Variants in PRIM2 observed in about 807,000 individuals in gnomAD.
The protein encoded by PRIM2 is DNA primase subunit 2, also known as DNA primase large subunit.
In PRIM2, 39 loss-of-function variants were observed where a neutral mutation model predicts 67.3. That is an observed-to-expected ratio of 0.58 (90% CI 0.45 to 0.76). The LOEUF (loss-of-function observed/expected upper bound fraction) is 0.76. Ranked by LOEUF, PRIM2 falls within the 30% of genes least tolerant of loss-of-function variation. The pLI is 0.00. For synonymous variants in PRIM2, 143 were observed against 198.7 expected (o/e 0.72, Z 2.36); for missense variants, 398 against 598.7 (o/e 0.66, Z 3.50).
intron 12 of PRIM2, among the ~76,000 whole-genome samples, chr6:57,619,998 C>T (rs1250480248): frequency 6.1e-4 from 93 of 152,174 alleles, no homozygotes; most frequent in African/African-American, 2.1e-3. Context: ...AGATCGAGAC[C>T]GTCCTGGCTA....
At chr6:57,243,755 G>A in the PRIM2 span, among the ~76,000 whole-genome samples, 1 of 152,208 alleles carries the variant, frequency 6.6e-6, no homozygotes, top group South Asian at 2.1e-4. Flanking sequence ...GATTACAGGT[G>A]TGGGCCACAG....
At chr6:57,486,151 G>A (rs1186598735) in intron 7 of PRIM2, among the ~76,000 whole-genome samples, 1 of 152,196 alleles carries the variant, frequency 6.6e-6, no homozygotes, top group Non-Finnish European at 1.5e-5. Flanking sequence ...GGAGAGTATA[G>A]CCTAAAGGGA....
the PRIM2 span, among the ~76,000 whole-genome samples, chr6:57,236,381 A>G: frequency 6.6e-6 from 1 of 151,562 alleles, no homozygotes; most frequent in East Asian, 1.9e-4. Context: ...CCTTTTATTC[A>G]TTCTACACTT....
intron 5 of PRIM2, among the ~76,000 whole-genome samples, chr6:57,333,595 A>G (rs1768128953): frequency 6.6e-6 from 1 of 151,716 alleles, no homozygotes; most frequent in South Asian, 2.1e-4. Flanking sequence ...AATTTCTTCT[A>G]TGTTCTCTTT....
At chr6:57,323,385 A>T (rs888481762) in intron 3 of PRIM2, among the ~76,000 whole-genome samples, 4 of 152,136 alleles carry the variant, frequency 2.6e-5, no homozygotes, top group African/African-American at 9.7e-5. Context: ...GAAGTGGTTG[A>T]GGTGGTGAGC....
chr6:57,446,661 T>C (rs1392577842), intron 7 of PRIM2, among the ~76,000 whole-genome samples: 1 of 151,918 alleles, frequency 6.6e-6, no homozygotes, highest in African/African-American at 2.4e-5. Context: ...GGGGATTAGG[T>C]TCAGGGCTGT....
chr6:57,362,488 C>T (rs1321865762), intron 5 of PRIM2, among the ~76,000 whole-genome samples: 1 of 151,982 alleles, frequency 6.6e-6, no homozygotes, highest in Non-Finnish European at 1.5e-5. Flanking sequence ...TTGTACTATG[C>T]TACTGTTAGC....
intron 12 of PRIM2, among the ~76,000 whole-genome samples, chr6:57,621,861 G>A (rs1776862152): frequency 6.6e-6 from 1 of 151,988 alleles, no homozygotes; most frequent in Non-Finnish European, 1.5e-5. Context: ...TTTCTTGTTG[G>A]GCAGGTCTAC....
intron 10 of PRIM2, among the ~76,000 whole-genome samples, chr6:57,594,861 C>A (rs1388140970): frequency 6.6e-6 from 1 of 152,116 alleles, no homozygotes; most frequent in East Asian, 1.9e-4. Flanking sequence ...GCCTTTGTTA[C>A]AATTACATTT....
chr6:57,321,230 A>G (rs1008577070), intron 3 of PRIM2, among the ~76,000 whole-genome samples: 1 of 152,162 alleles, frequency 6.6e-6, no homozygotes, highest in Non-Finnish European at 1.5e-5. Flanking sequence ...GTTATAAATG[A>G]CACCCAGGTT....
intron 10 of PRIM2, among the ~76,000 whole-genome samples, chr6:57,552,623 C>T (rs1257144969): frequency 1.3e-5 from 2 of 152,146 alleles, no homozygotes; most frequent in African/African-American, 4.8e-5. Flanking sequence ...ATCTTTTTAC[C>T]TACTATATGC....
At chr6:57,235,771 G>A in the PRIM2 span, among the ~76,000 whole-genome samples, 10 of 152,114 alleles carry the variant, frequency 6.6e-5, no homozygotes, top group Non-Finnish European at 1.2e-4. Flanking sequence ...GAAGCAAGAG[G>A]GTCAGAGCCA....
At chr6:57,638,952 A>T (rs1777176520) in intron 13 of PRIM2, among the ~76,000 whole-genome samples, 1 of 152,210 alleles carries the variant, frequency 6.6e-6, no homozygotes, top group Non-Finnish European at 1.5e-5. Flanking sequence ...AACAGAATAT[A>T]CATTCTTCTC....
intron 7 of PRIM2, among the ~76,000 whole-genome samples, chr6:57,396,587 G>A: frequency 6.6e-6 from 1 of 152,110 alleles, no homozygotes; most frequent in East Asian, 1.9e-4. Context: ...TAATTGGTTG[G>A]TGAATTCTTA....
intron 10 of PRIM2, among the ~76,000 whole-genome samples, chr6:57,581,263 G>A (rs1168761639): frequency 0.18 from 27,944 of 151,888 alleles, 2,723 homozygotes; most frequent in South Asian, 0.22. Context: ...ATCACTCGGC[G>A]TACTCCTGTG....
the PRIM2 span, among the ~76,000 whole-genome samples, chr6:57,286,472 A>T: frequency 7.2e-5 from 11 of 152,178 alleles, no homozygotes; most frequent in Non-Finnish European, 1.3e-4. Context: ...CAACCGTCTC[A>T]TCTTCAACAA....
intron 7 of PRIM2, among the ~76,000 whole-genome samples, chr6:57,411,316 C>T (rs1259317459): frequency 6.6e-6 from 1 of 152,172 alleles, no homozygotes; most frequent in Non-Finnish European, 1.5e-5. Flanking sequence ...CTTGCCTAGG[C>T]CTAGTAGCTT....
chr6:57,574,034 A>C (rs1278754458), intron 10 of PRIM2, among the ~76,000 whole-genome samples: 3 of 151,836 alleles, frequency 2.0e-5, no homozygotes, highest in Non-Finnish European at 2.9e-5. Flanking sequence ...ATTCATGCAA[A>C]CTTCCTGGAA....
At chr6:57,348,747 C>CTTTT (rs67086940) in intron 5 of PRIM2, among the ~76,000 whole-genome samples, 1 of 71,606 alleles carries the variant, frequency 1.4e-5, no homozygotes, top group Admixed American at 1.6e-4. Context: ...CCTTCCTGCC[C>CTTTT]TTTTTTTTTT....
Sources: allele counts gnomAD v4.1 joint callset (sites outside exome capture counted in the v4.1 genomes callset), GRCh38; gene constraint gnomAD v4.1.1; transcripts MANE v1.5; gene names NCBI Gene and HGNC (gene_info 2026-07-23, HGNC 2026-07-21).